ATP2B1: variants seen among roughly 807,000 people sequenced by gnomAD.
ATP2B1 encodes the protein plasma membrane calcium-transporting ATPase 1.
Under a neutral mutation model 124.2 loss-of-function variants are expected in ATP2B1, and 14 were observed. The ratio of observed to expected loss-of-function variants is 0.11; its 90% CI spans 0.07 to 0.18. ATP2B1 has a LOEUF of 0.18. Among genes scored for constraint, ATP2B1 ranks in the 10% least tolerant of loss-of-function variants. The pLI, the probability that ATP2B1 is intolerant of heterozygous loss-of-function variation, is 1.00. For synonymous variants in ATP2B1, 449 were observed against 492.4 expected (o/e 0.91, Z 1.17); for missense variants, 763 against 1,466.1 (o/e 0.52, Z 7.83).
chr12:89,653,055 A>G (rs534923275), intron 2 of ATP2B1, among the ~76,000 whole-genome samples: 70 of 152,322 alleles, frequency 4.6e-4, no homozygotes, highest in East Asian at 2.7e-3. Flanking sequence ...AACTGTAAAT[A>G]TAAGTATAAT....
intron 20 of ATP2B1, among the ~76,000 whole-genome samples, chr12:89,596,466 G>T (rs1302910262): frequency 6.6e-6 from 1 of 152,040 alleles, no homozygotes; most frequent in Non-Finnish European, 1.5e-5. Flanking sequence ...AGGAAATTTT[G>T]GGGGCAACCA....
chr12:89,603,009 G>C lies in ATP2B1; in HGVS notation c.3060+34C>G, dbSNP rs12310413. ...TTTACCTAATGTCTCCCATTTAACAGGCAAATTTGAAACTATCTTTTCCAA... is the reference window on the plus strand; with the variant it reads ...TTTACCTAATGTCTCCCATTTAACACGCAAATTTGAAACTATCTTTTCCAA... On this transcript the variant is annotated intron_variant, in intron 18 of 20. Coordinates refer to ENST00000428670, the MANE Select transcript of ATP2B1 (RefSeq NM_001366521.1). The surrounding 1 kb of genome is among the most constrained non-coding windows in gnomAD (Gnocchi z 4.3). 4,384 of 1,593,408 alleles carry C rather than the reference G, an allele frequency of 2.8e-3. 82 individuals are homozygous for C. In the African/African-American group the frequency reaches 0.049, roughly 18 times the overall value.
intron 1 of ATP2B1, among the ~76,000 whole-genome samples, chr12:89,692,200 CCAT>C (rs1453713646): frequency 6.6e-6 from 1 of 151,976 alleles, no homozygotes; most frequent in East Asian, 1.9e-4. Flanking sequence ...CAACATGCTA[CCAT>C]GATGTTATTC....
At chr12:89,616,127 A>G (rs528022934) in intron 12 of ATP2B1, among the ~76,000 whole-genome samples, 1 of 152,300 alleles carries the variant, frequency 6.6e-6, no homozygotes, top group African/African-American at 2.4e-5. Context: ...TTCGTCCCAC[A>G]TAAGACAGTA....
chr12:89,653,124 T>A (rs553068897), intron 2 of ATP2B1, among the ~76,000 whole-genome samples: 1 of 152,300 alleles, frequency 6.6e-6, no homozygotes, highest in South Asian at 2.1e-4. Flanking sequence ...AAATTGTGTA[T>A]ATATAAACAG....
At chr12:89,643,071 C>T (rs987589903) in intron 2 of ATP2B1, among the ~76,000 whole-genome samples, 1 of 150,396 alleles carries the variant, frequency 6.6e-6, no homozygotes. Flanking sequence ...TACATACACA[C>T]ACACACACAC....
At chr12:89,688,292 A>C (rs1890179577) in intron 1 of ATP2B1, among the ~76,000 whole-genome samples, 2 of 152,154 alleles carry the variant, frequency 1.3e-5, no homozygotes, top group Non-Finnish European at 2.9e-5. Context: ...TGAGTGAACT[A>C]TAAATAAAGC....
At chr12:89,672,930 A>G (rs1273411743) in intron 1 of ATP2B1, among the ~76,000 whole-genome samples, 1 of 152,216 alleles carries the variant, frequency 6.6e-6, no homozygotes, top group Non-Finnish European at 1.5e-5. Flanking sequence ...GGATATTTGT[A>G]TTTTCCTTTC....
chr12:89,673,654 T>A (rs1888260049), intron 1 of ATP2B1, among the ~76,000 whole-genome samples: 1 of 152,202 alleles, frequency 6.6e-6, no homozygotes, highest in East Asian at 1.9e-4. Context: ...GGACCCAACA[T>A]TTCTACCTGA....
chr12:89,677,938 TG>T (rs1888812372), intron 1 of ATP2B1, among the ~76,000 whole-genome samples: 1 of 112,596 alleles, frequency 8.9e-6, no homozygotes, highest in African/African-American at 3.5e-5. Context: ...TTCAGGGGGT[TG>T]GGGGCATGCA....
At chr12:89,702,454 T>C (rs1483161122) in intron 1 of ATP2B1, among the ~76,000 whole-genome samples, 1 of 152,212 alleles carries the variant, frequency 6.6e-6, no homozygotes, top group East Asian at 1.9e-4. Flanking sequence ...TCTGAGAGTT[T>C]TGAGAGTACA....
Position 89,642,169 on chromosome 12 carries a change from C to T in ATP2B1, c.395G>A (p.Gly132Glu). 1 of 1,612,338 alleles carries T rather than the reference C, an allele frequency of 6.2e-7. No homozygotes were observed. The highest frequency in any genetic ancestry group is 8.5e-7 in the Non-Finnish European group (1 of 1,178,978). Residue 132 changes from glycine (G) to glutamate (E), a missense_variant, in exon 3 of 21, where the codon GGG (glycine) becomes GAG (glutamate). Gly to Glu is a moderately conservative substitution (Grantham distance 98). Around this residue, in one of 7 missense-constraint regions of ATP2B1, gnomAD observed 392 missense variants for 776.6 expected, o/e 0.50. Transcript: ENST00000428670. ...CCCCATTTACTTACGTGCATTATCC[C>T]CTTCTGGAGGCTGATAAAAAGAAAG... ...LGLSFYQPPE[G>E]DNALCGEVSV...
chr12:89,647,256 A>G (rs1170581790), intron 2 of ATP2B1, among the ~76,000 whole-genome samples: 1 of 152,254 alleles, frequency 6.6e-6, no homozygotes, highest in Non-Finnish European at 1.5e-5. Flanking sequence ...TAACTTCACA[A>G]AGAGAAAATA....
chr12:89,603,424 G>C lies in ATP2B1; in HGVS notation c.2849-170C>G. The C allele has an allele frequency of 1.5e-6, 1 of 670,852 alleles. No homozygotes were observed. The highest frequency in any genetic ancestry group is 2.5e-6 in the Non-Finnish European group (1 of 406,778). The allele number at this position is 670,852 out of a possible 1,614,324, so 41.6% of individuals were successfully genotyped here. A position where few individuals can be genotyped will look rare whatever the true frequency, so the allele number is the denominator to read the frequency against. On this transcript the variant is annotated intron_variant, in intron 17 of 20. Coordinates refer to ENST00000428670, the MANE Select transcript of ATP2B1 (RefSeq NM_001366521.1). This position sits in a 1 kb window ranked among gnomAD's most constrained non-coding sequence, Gnocchi z 4.3. ...ACAACTCTCTTGTTTTATAGGCAAG[G>C]AAACAGAAGCTCCCAAAACTATGGT...
At chr12:89,609,010 G>A (rs1877491215) in intron 15 of ATP2B1, among the ~76,000 whole-genome samples, 1 of 152,142 alleles carries the variant, frequency 6.6e-6, no homozygotes, top group Non-Finnish European at 1.5e-5. Flanking sequence ...CACTCCTGTT[G>A]AAAGGCTGCC....
At chr12:89,656,718 T>A (rs927707900) in intron 1 of ATP2B1, among the ~76,000 whole-genome samples, 14 of 152,328 alleles carry the variant, frequency 9.2e-5, no homozygotes, top group African/African-American at 3.4e-4. Flanking sequence ...CGGCAAAAAC[T>A]ATACTCTATA....
intron 1 of ATP2B1, among the ~76,000 whole-genome samples, chr12:89,687,832 A>T (rs896869010): frequency 6.6e-6 from 1 of 152,126 alleles, no homozygotes; most frequent in Non-Finnish European, 1.5e-5. Flanking sequence ...TCATATATTT[A>T]TTCAGGAACC....
At position 89,610,014 on chromosome 12, in the gene ATP2B1, G is replaced by A. The variant is rs1161061134; in HGVS notation, c.2365C>T (p.Arg789Cys). The A allele has an allele frequency of 3.1e-6, 5 of 1,613,562 alleles. No individual in the cohort carries two copies. Among genetic ancestry groups the A allele is most frequent in the Admixed American group, 1.7e-5 (1 of 59,978 alleles). The part of the protein sequence containing the change: ...GIIDSTVSDQ[R>C]QVVAVTGDGT... ...TCACCAGTTACAGCTACAACCTGGC[G>A]TTGGTCTGAGACAGTGCTGTCAATT... Residue 789 changes from arginine to cysteine, a missense_variant, in exon 15 of 21, where the codon CGC becomes TGC. Around this residue, in one of 7 missense-constraint regions of ATP2B1, gnomAD observed 51 missense variants for 192.8 expected, o/e 0.26. Transcript: ENST00000428670.
chr12:89,611,158 T>C (rs556575271), intron 13 of ATP2B1, 35 bp downstream of exon 13: 15 of 1,534,250 alleles, frequency 9.8e-6, no homozygotes, highest in East Asian at 9.0e-5. Flanking sequence ...ATTAAACATC[T>C]GTCAACCAAA....
Sources: allele counts gnomAD v4.1 joint callset (sites outside exome capture counted in the v4.1 genomes callset), GRCh38; gene constraint gnomAD v4.1.1; regional missense constraint gnomAD v4.1.1; non-coding constraint Gnocchi (gnomAD v3.1); transcripts MANE v1.5; gene names NCBI Gene and HGNC (gene_info 2026-07-23, HGNC 2026-07-21).